The following TFIP11 variants were observed in gnomAD, a reference collection of about 807,000 sequenced individuals.
The protein encoded by TFIP11 is tuftelin interacting protein 11.
TFIP11 carries 86 observed loss-of-function variants against 96.8 expected under a neutral mutation model. The observed-to-expected ratio is 0.89, with a 90% CI of 0.75 to 1.06. The LOEUF (loss-of-function observed/expected upper bound fraction) is 1.06. TFIP11 is among the 50% of genes least tolerant of loss of function. The probability of loss-of-function intolerance (pLI) is 0.00; values close to 1 mark genes in which losing one functional copy is unlikely to be tolerated. For missense variants in TFIP11, 881 were observed against 1,076.7 expected, an observed-to-expected ratio of 0.82 and a Z score of 2.54; for synonymous variants, 405 against 395.2, an observed-to-expected ratio of 1.02 and a Z score of -0.29.
At chr22:26,503,240 C>T (rs530162108) in intron 7 of TFIP11, among the ~76,000 whole-genome samples, 1 of 152,194 alleles carries the variant, frequency 6.6e-6, no homozygotes, top group African/African-American at 2.4e-5. Flanking sequence ...GTACCGCCCT[C>T]CCACCGCAAG....
chr22:26,506,981 G>A, intron 4 of TFIP11, 53 bp from the exon 5 acceptor site: 1 of 1,581,322 alleles, frequency 6.3e-7, no homozygotes, highest in Non-Finnish European at 8.6e-7. Context: ...TCTTTTCTCT[G>A]CAGCGATCCT....
chr22:26,493,490 C>T (rs1441974020), intron 14 of TFIP11: 3 of 152,410 alleles, frequency 2.0e-5, no homozygotes, highest in African/African-American at 7.2e-5. Context: ...GGCTAATGAG[C>T]AACACTGGAG....
At chr22:26,506,599 A>T in intron 5 of TFIP11, 140 bp from the exon 6 acceptor site, 2 of 1,299,968 alleles carry the variant, frequency 1.5e-6, no homozygotes, top group Non-Finnish European at 2.1e-6. Flanking sequence ...GTGTGTGATA[A>T]CGTGTCAGGA....
chr22:26,494,784 A>G lies in TFIP11; in HGVS notation c.1992+13T>C. 1 of 1,614,194 alleles carries G rather than the reference A, an allele frequency of 6.2e-7. No individual in the cohort carries two copies. The highest frequency in any genetic ancestry group is 8.5e-7 in the Non-Finnish European group (1 of 1,180,018). ...GTTCCCTCCCCCAGAAATCCAAGCAAAACAAAGTGTACCTGAAGCCACTTG... is the reference window on the plus strand; with the variant it reads ...GTTCCCTCCCCCAGAAATCCAAGCAGAACAAAGTGTACCTGAAGCCACTTG... On this transcript the variant is annotated intron_variant, in intron 13 of 14. Coordinates refer to ENST00000407690, the MANE Select transcript of TFIP11 (RefSeq NM_012143.4).
chr22:26,507,545 G>A (rs1923567178), intron 4 of TFIP11, among the ~76,000 whole-genome samples: 1 of 151,282 alleles, frequency 6.6e-6, no homozygotes, highest in Non-Finnish European at 1.5e-5. Flanking sequence ...TGGGAGGATT[G>A]CTTGAGCCCA....
At position 26,492,061 on chromosome 22, in the gene TFIP11, C is replaced by G; in HGVS notation, c.2466G>C (p.Lys822Asn). The change falls in exon 15 of 15, where the codon AAG becomes AAC. Residue 822 changes from lysine (K) to asparagine (N), a missense_variant. Coordinates refer to ENST00000407690, the MANE Select transcript of TFIP11 (RefSeq NM_012143.4). ...TCTGCAGTGAGGTGGGCACCCACGT[C>G]TTCTCGCCCTGGACAAAGACCACTC... ...DRGVVFVQGEKTWVPTSLQSL... is the reference protein window; with the variant it reads ...DRGVVFVQGENTWVPTSLQSL... 1.2e-6 allele frequency: 2 copies of G among 1,610,270 alleles called. No homozygotes were observed. Among genetic ancestry groups the G allele is most frequent in the Non-Finnish European group, 1.7e-6 (2 of 1,178,292 alleles).
Position 26,499,384 on chromosome 22 carries a change from A to C in TFIP11, c.1049T>G (p.Val350Gly). ...CTTCTCCAGCTCGTGGAAGAGGTTGACCACCATGTCCCGCTCATACTGTAG... is the reference window on the plus strand; with the variant it reads ...CTTCTCCAGCTCGTGGAAGAGGTTGCCCACCATGTCCCGCTCATACTGTAG... The part of the protein sequence containing the change: ...RQLQYERDMV[V>G]NLFHELEKMT... The change falls in exon 9 of 15, where the codon GTC (valine) becomes GGC (glycine). Residue 350 changes from valine (V) to glycine (G), a missense_variant. By Grantham distance (109) the Val-to-Gly change is moderately radical. Coordinates refer to ENST00000407690, the MANE Select transcript of TFIP11 (RefSeq NM_012143.4). 1 of 1,614,046 alleles carries C rather than the reference A, an allele frequency of 6.2e-7. No homozygotes were observed.
intron 12 of TFIP11, among the ~76,000 whole-genome samples, chr22:26,495,302 A>G (rs1419146206): frequency 7.7e-4 from 70 of 90,764 alleles, no homozygotes; most frequent in African/African-American, 3.1e-3. Flanking sequence ...TTTTGTTGAG[A>G]CAGGGTCTCA....
rs781472681 is a variant in TFIP11, at chr22:26,506,756, A to G, written c.363+19T>C. ...TTTGAAGGATATTCCTAGGGTCACAATCCTGCAATAGAGACTACCGTTTTT... is the reference window on the plus strand; with the variant it reads ...TTTGAAGGATATTCCTAGGGTCACAGTCCTGCAATAGAGACTACCGTTTTT... On this transcript the variant is annotated intron_variant, in intron 5 of 14. Transcript: ENST00000407690. 3 of 1,613,982 alleles carry G rather than the reference A, an allele frequency of 1.9e-6. No individual in the cohort carries two copies. The highest frequency in any genetic ancestry group is 1.7e-5 in the Admixed American group (1 of 60,000).
At chr22:26,507,480 A>T (rs935707680) in intron 4 of TFIP11, among the ~76,000 whole-genome samples, 2 of 152,086 alleles carry the variant, frequency 1.3e-5, no homozygotes, top group African/African-American at 4.8e-5. Context: ...ATAAATAAAA[A>T]TTAGCCAGGC....
intron 13 of TFIP11, 21 bp from the exon 14 acceptor site, chr22:26,494,325 T>G: frequency 6.2e-7 from 1 of 1,614,200 alleles, no homozygotes; most frequent in Non-Finnish European, 8.5e-7. Flanking sequence ...GAAAAATTAC[T>G]TGCATCCATC....
chr22:26,506,265 G>A, intron 6 of TFIP11, 38 bp downstream of exon 6: 2 of 1,548,764 alleles, frequency 1.3e-6, no homozygotes, highest in Non-Finnish European at 1.7e-6. Context: ...CCCTATGCCT[G>A]CCCTCCTCCA....
intron 6 of TFIP11, 92 bp from the exon 7 acceptor site, chr22:26,503,885 C>T: frequency 1.3e-6 from 2 of 1,514,488 alleles, no homozygotes; most frequent in South Asian, 2.5e-5. Context: ...CAGTTTCTTG[C>T]TCCTTCCACA....
In TFIP11 at chr22:26,499,254, G is replaced by T. The variant is rs781517278; in HGVS notation, c.1179C>A (p.Asn393Lys). 1.2e-6 allele frequency: 2 copies of T among 1,613,854 alleles called. No individual in the cohort carries two copies. Among genetic ancestry groups the T allele is most frequent in the African/African-American group, 1.3e-5 (1 of 74,918 alleles). ...CERRMQPDCS[N>K]PLTLDECARI... ...GGGCACACTCGTCCAGGGTGAGGGG[G>T]TTGCTGCAGTCGGGCTGCATCCGCC... Residue 393 changes from asparagine to lysine, a missense_variant, in exon 9 of 15, where the codon AAC becomes AAA. Physicochemically the swap from Asn to Lys is moderately conservative, Grantham distance 94. Coordinates refer to ENST00000407690, the MANE Select transcript of TFIP11 (RefSeq NM_012143.4).
intron 11 of TFIP11, 144 bp downstream of exon 11, chr22:26,496,577 T>A (rs902300759): frequency 1.7e-6 from 2 of 1,149,108 alleles, no homozygotes; most frequent in Middle Eastern, 3.0e-4. Flanking sequence ...AGAAAAAGGC[T>A]GGAATTAACA....
Position 26,506,755 on chromosome 22 carries a change from A to G in TFIP11, c.363+20T>C, listed in dbSNP as rs1324031126. On this transcript the variant is annotated intron_variant, in intron 5 of 14. Coordinates refer to ENST00000407690, the MANE Select transcript of TFIP11 (RefSeq NM_012143.4). ...CTTTGAAGGATATTCCTAGGGTCAC[A>G]ATCCTGCAATAGAGACTACCGTTTT... 6.2e-7 allele frequency: 1 copy of G among 1,613,962 alleles called. No homozygotes were observed. Among genetic ancestry groups the G allele is most frequent in the Non-Finnish European group, 8.5e-7 (1 of 1,179,862 alleles).
chr22:26,496,053 G>A lies in TFIP11; in HGVS notation c.1849+20C>T. 2 of 1,609,444 alleles carry A rather than the reference G, an allele frequency of 1.2e-6. No individual in the cohort carries two copies. The highest frequency in any genetic ancestry group is 1.7e-6 in the Non-Finnish European group (2 of 1,177,156). ...GCACCAAAGCTGCTGGGCTTGGAAT[G>A]CATTTCCCCTTATCCTTACCCAGCT... On this transcript the variant is annotated intron_variant, in intron 12 of 14. Coordinates refer to ENST00000407690, the MANE Select transcript of TFIP11 (RefSeq NM_012143.4).
At chr22:26,504,250 T>C (rs1923145774) in intron 6 of TFIP11, among the ~76,000 whole-genome samples, 1 of 152,234 alleles carries the variant, frequency 6.6e-6, no homozygotes, top group Non-Finnish European at 1.5e-5. Flanking sequence ...TCCTATCTCC[T>C]GTGTTTAACT....
At position 26,499,292 on chromosome 22, in the gene TFIP11, C is replaced by T. The variant is rs772268513; in HGVS notation, c.1141G>A (p.Glu381Lys). 5.6e-6 allele frequency: 9 copies of T among 1,613,950 alleles called. 1 individual carries two copies. In the South Asian group the frequency reaches 9.9e-5, roughly 18 times the overall value. ...GGCTGCATCCGCCGCTCGCACTCCT[C>T]CACCATCTCCAGGACCTTGCTGAGG... The part of the protein sequence containing the change: ...SNLSKVLEMV[E>K]ECERRMQPDC... Residue 381 changes from glutamate to lysine, a missense_variant, in exon 9 of 15, where the codon GAG becomes AAG. By Grantham distance (56) the Glu-to-Lys change is moderately conservative (BLOSUM62 1). Transcript: ENST00000407690.
Sources: gnomAD v4.1 joint callset for allele counts (sites outside exome capture counted in the v4.1 genomes callset) on GRCh38, gnomAD v4.1.1 for gene constraint, MANE v1.5 for transcripts, NCBI Gene and HGNC (gene_info 2026-07-23, HGNC 2026-07-21) for gene names.